Variants in CEP350 observed in about 807,000 individuals in gnomAD.
CEP350 encodes the protein centrosomal protein 350, also known as centrosome-associated protein 350.
A neutral mutation model predicts 331.8 loss-of-function variants in CEP350; 126 were observed. That is an observed-to-expected ratio of 0.38 (90% CI 0.33 to 0.44). The LOEUF is 0.44. Among genes scored for constraint, CEP350 ranks in the 20% least tolerant of loss-of-function variants. The pLI, the probability that CEP350 is intolerant of heterozygous loss-of-function variation, is 1.00. For synonymous variants in CEP350, 1,200 were observed against 1,259.5 expected (o/e 0.95, Z 1.00); for missense variants, 3,406 against 3,634.6 (o/e 0.94, Z 1.62).
intron 7 of CEP350, among the ~76,000 whole-genome samples, chr1:180,003,751 T>C (rs1005338584): frequency 1.3e-4 from 20 of 152,090 alleles, no homozygotes; most frequent in Admixed American, 5.9e-4. Context: ...GAGAGGGTAA[T>C]AGGAAGGTCA....
chr1:179,967,842 T>G (rs1191750502), intron 1 of CEP350, among the ~76,000 whole-genome samples: 1 of 152,224 alleles, frequency 6.6e-6, no homozygotes, highest in African/African-American at 2.4e-5. Context: ...TTTTTTTACG[T>G]GTTACCGTGT....
At chr1:180,077,671 TAAAA>T (rs3067269) in intron 28 of CEP350, among the ~76,000 whole-genome samples, 3 of 97,228 alleles carry the variant, frequency 3.1e-5, no homozygotes, top group African/African-American at 1.3e-4. Context: ...TCTCAAAAAG[TAAAA>T]AAAAAAAAAA....
chr1:180,053,463 G>A (rs939469664), intron 23 of CEP350, among the ~76,000 whole-genome samples: 3 of 151,860 alleles, frequency 2.0e-5, no homozygotes, highest in African/African-American at 7.3e-5. Context: ...ATTTACATTC[G>A]TTCTTACCAA....
intron 22 of CEP350, among the ~76,000 whole-genome samples, chr1:180,049,947 A>C (rs970839002): frequency 6.6e-6 from 1 of 152,202 alleles, no homozygotes; most frequent in African/African-American, 2.4e-5. Flanking sequence ...GAGAGACTGG[A>C]AACAAATGAA....
At chr1:180,036,785 C>A in intron 16 of CEP350, 141 bp from the exon 17 acceptor site, 1 of 802,170 alleles carries the variant, frequency 1.2e-6, no homozygotes, top group Non-Finnish European at 1.8e-6. Context: ...CCTGCAGTAT[C>A]TCCAAGGTAT....
At chr1:180,101,098 G>A (rs1252756098) in intron 37 of CEP350, among the ~76,000 whole-genome samples, 15 of 152,066 alleles carry the variant, frequency 9.9e-5, no homozygotes, top group Admixed American at 9.8e-4. Context: ...CTTTTGCAGG[G>A]GTAAGGTTAT....
At chr1:180,022,052 G>A (rs914464137) in intron 12 of CEP350, among the ~76,000 whole-genome samples, 2 of 152,162 alleles carry the variant, frequency 1.3e-5, no homozygotes, top group Non-Finnish European at 2.9e-5. Flanking sequence ...GATTTCATCT[G>A]TTCCTCTTAT....
chr1:179,960,095 G>T (rs1352654163), intron 1 of CEP350, among the ~76,000 whole-genome samples: 1 of 152,144 alleles, frequency 6.6e-6, no homozygotes, highest in Non-Finnish European at 1.5e-5. Flanking sequence ...AGTTCAGGAT[G>T]GCAGGTGGCT....
chr1:180,040,171 T>C (rs987806014), intron 17 of CEP350, among the ~76,000 whole-genome samples: 4 of 151,798 alleles, frequency 2.6e-5, no homozygotes, highest in African/African-American at 9.7e-5. Context: ...ATAACAGTAG[T>C]GTTGTCCAGT....
At chr1:179,978,360 C>G (rs1401349230) in intron 1 of CEP350, among the ~76,000 whole-genome samples, 2 of 152,162 alleles carry the variant, frequency 1.3e-5, no homozygotes, top group Non-Finnish European at 2.9e-5. Context: ...CATCCATCAT[C>G]TCAAATATTT....
At chr1:180,084,642 G>C (rs34365752) in intron 31 of CEP350, among the ~76,000 whole-genome samples, 1 of 152,160 alleles carries the variant, frequency 6.6e-6, no homozygotes, top group Non-Finnish European at 1.5e-5. Flanking sequence ...AGGATTACAG[G>C]TGTGAGCCAC....
chr1:180,087,828 A>G lies in CEP350; in HGVS notation c.6425+111A>G, dbSNP rs979943472. 45 of 1,135,018 alleles carry G rather than the reference A, an allele frequency of 4.0e-5. No homozygotes were observed. In the African/African-American group the frequency reaches 6.3e-4, roughly 16 times the overall value. 70.3% of individuals were successfully genotyped at this position (1,135,018 alleles called of 1,614,324 possible). On this transcript the variant is annotated intron_variant, in intron 32 of 37. Transcript: ENST00000367607. ...TAACTGAAATTACAGAAGTAAAAAT[A>G]TTATTTTCTATTTTTAGTGTCAGTA...
At chr1:180,109,318 C>A (rs1661348034) in intron 37 of CEP350, among the ~76,000 whole-genome samples, 2 of 152,098 alleles carry the variant, frequency 1.3e-5, no homozygotes, top group Non-Finnish European at 2.9e-5. Context: ...CGGGGTTTCA[C>A]CACATTGGTC....
intron 25 of CEP350, among the ~76,000 whole-genome samples, chr1:180,055,164 C>T (rs1010528613): frequency 3.3e-5 from 5 of 152,152 alleles, no homozygotes; most frequent in African/African-American, 1.2e-4. Context: ...CAGACTGTGG[C>T]ACAATGGTAA....
Position 180,014,222 on chromosome 1 carries a change from A to G in CEP350, c.1769A>G (p.His590Arg). The change falls in exon 10 of 38, where the codon CAC (histidine) becomes CGC (arginine). Residue 590 changes from histidine (H) to arginine (R), a missense_variant. This residue lies in a region of CEP350 where 1,857 missense variants were observed against 1,909.2 expected (regional missense o/e 0.97). Transcript: ENST00000367607. The stretch of plus-strand genomic sequence containing the variant: ...CCCCCTGTTATTTCCAAAAGGCGCC[A>G]CTATGACACAGATGAGGTACGACAG... ...EDPPVISKRRHYDTDEVRQYI... is the reference protein window; with the variant it reads ...EDPPVISKRRRYDTDEVRQYI... 1.2e-6 allele frequency: 2 copies of G among 1,610,920 alleles called. No homozygotes were observed. Among genetic ancestry groups the G allele is most frequent in the Non-Finnish European group, 1.7e-6 (2 of 1,178,622 alleles).
chr1:180,048,678 A>G lies in CEP350; in HGVS notation c.4765A>G (p.Ser1589Gly), dbSNP rs1385481959. 6.2e-7 allele frequency: 1 copy of G among 1,611,854 alleles called. No individual in the cohort carries two copies. Among genetic ancestry groups the G allele is most frequent in the East Asian group, 2.2e-5 (1 of 44,832 alleles). The change falls in exon 22 of 38, where the codon AGT (serine) becomes GGT (glycine). Residue 1589 changes from serine (S) to glycine (G), a missense_variant. Physicochemically the swap from Ser to Gly is moderately conservative, Grantham distance 56 (BLOSUM62 0). Coordinates refer to ENST00000367607, the MANE Select transcript of CEP350 (RefSeq NM_014810.5). ...TGCAGATGATTCTCTACGAAGTGAT[A>G]GTGTTCCATCTCTTCCTGATGAAAA... The part of the protein sequence containing the change: ...TAADDSLRSD[S>G]VPSLPDEKDS...
At chr1:180,060,896 AG>A (rs1330658504) in intron 25 of CEP350, among the ~76,000 whole-genome samples, 5 of 152,172 alleles carry the variant, frequency 3.3e-5, no homozygotes, top group Non-Finnish European at 7.4e-5. Context: ...TAATTTAAAA[AG>A]AATGTGCTGG....
In CEP350 at chr1:180,093,731, T is replaced by C; in HGVS notation, c.7626T>C (p.Tyr2542=). The change falls in exon 34 of 38, where the codon TAT becomes TAC. Residue 2542 remains tyrosine, a synonymous_variant. Coordinates refer to ENST00000367607, the MANE Select transcript of CEP350 (RefSeq NM_014810.5). The part of the protein sequence containing the change: ...DKPEGNNNGT[Y]DGIAYFECKE... ...CTGAAGGAAATAACAATGGAACATA[T>C]GATGGTATTGCATATTTTGAGTGCA... 6.2e-7 allele frequency: 1 copy of C among 1,613,938 alleles called. No homozygotes were observed. The highest frequency in any genetic ancestry group is 8.5e-7 in the Non-Finnish European group (1 of 1,179,854).
intron 14 of CEP350, among the ~76,000 whole-genome samples, chr1:180,027,524 A>G (rs1202994675): frequency 6.6e-6 from 1 of 152,078 alleles, no homozygotes; most frequent in South Asian, 2.1e-4. Flanking sequence ...AGCTGGGACT[A>G]CAGGCACACA....
Sources: gnomAD v4.1 joint callset for allele counts (sites outside exome capture counted in the v4.1 genomes callset) on GRCh38, gnomAD v4.1.1 for gene constraint, gnomAD v4.1.1 regional missense constraint, MANE v1.5 for transcripts, NCBI Gene and HGNC (gene_info 2026-07-23, HGNC 2026-07-21) for gene names.